CEP63: variants seen among roughly 807,000 people sequenced by gnomAD.
The protein encoded by CEP63 is centrosomal protein 63.
CEP63 carries 84 observed loss-of-function variants against 89.1 expected under a neutral mutation model. The ratio of observed to expected loss-of-function variants is 0.94; its 90% CI spans 0.79 to 1.13. The LOEUF is 1.13. CEP63 is among the 50% of genes most tolerant of loss of function. The pLI is 0.00. For missense variants in CEP63, 838 were observed against 813.3 expected (o/e 1.03, Z -0.37); for synonymous variants, 267 against 272.5 (o/e 0.98, Z 0.20).
At position 134,550,019 on chromosome 3, in the gene CEP63, G is replaced by T. The variant is rs1298795848; in HGVS notation, c.1183-44G>T. The T allele has an allele frequency of 3.7e-6, 5 of 1,356,940 alleles. No individual in the cohort carries two copies. In the Admixed American group the frequency reaches 6.8e-5, roughly 18 times the overall value. The allele number at this position is 1,356,940 out of a possible 1,614,324, so 84.1% of individuals were successfully genotyped here. On this transcript the variant is annotated intron_variant, in intron 10 of 14. Transcript: ENST00000675561. The stretch of plus-strand genomic sequence containing the variant: ...TAGTAACATATTATTCTATCTAAAT[G>T]CTTTCTCTTAACTTTTGGTGCTTTC...
At chr3:134,509,225 G>C (rs1944265039) in intron 3 of CEP63, among the ~76,000 whole-genome samples, 2 of 152,172 alleles carry the variant, frequency 1.3e-5, no homozygotes, top group East Asian at 3.9e-4. Flanking sequence ...TTCAGTTATG[G>C]CGGAAGGCAA....
chr3:134,691,812 C>A, the CEP63 span, among the ~76,000 whole-genome samples: 2 of 151,846 alleles, frequency 1.3e-5, no homozygotes, highest in African/African-American at 4.8e-5. Context: ...CTCTGCCTCC[C>A]GGGTTCAAGC....
the CEP63 span, among the ~76,000 whole-genome samples, chr3:134,701,839 G>T: frequency 6.6e-6 from 1 of 152,078 alleles, no homozygotes; most frequent in Admixed American, 6.6e-5. Flanking sequence ...CATCATCTCA[G>T]CCCAAAAGCT....
In CEP63 at chr3:134,562,300, G is replaced by C. The variant is rs762644962; in HGVS notation, c.*765G>C. On this transcript the variant is annotated 3_prime_UTR_variant, in exon 15 of 15. Transcript: ENST00000675561. ...GATGGGAGTTGATAAGATCCACCAG[G>C]GAGGCTGTGGAGAGAGAGAGGAGCA... The C allele has an allele frequency of 2.6e-5, 22 of 852,006 alleles. No homozygotes were observed. The highest frequency in any genetic ancestry group is 3.1e-5 in the Non-Finnish European group (22 of 707,972). The allele number at this position is 852,006 out of a possible 1,614,324, so 52.8% of individuals were successfully genotyped here. A position where few individuals can be genotyped will look rare whatever the true frequency, so the allele number is the denominator to read the frequency against.
chr3:134,547,610 A>ATTTATTTTTTTTTT, intron 9 of CEP63, 138 bp downstream of exon 9: 11 of 226,786 alleles, frequency 4.9e-5, no homozygotes, highest in East Asian at 1.1e-4. Context: ...CTAAGTTCTT[A>ATTTATTTTTTTTTT]TTTCTTTTTT....
chr3:134,659,928 C>A, the CEP63 span, among the ~76,000 whole-genome samples: 3 of 152,190 alleles, frequency 2.0e-5, no homozygotes, highest in Non-Finnish European at 4.4e-5. Context: ...GTCCCCGGGG[C>A]AGAGCTTCTA....
the CEP63 span, among the ~76,000 whole-genome samples, chr3:134,618,857 C>T: frequency 6.6e-6 from 1 of 152,188 alleles, no homozygotes; most frequent in South Asian, 2.1e-4. Flanking sequence ...TTTTAACCTT[C>T]AGCTGCATAG....
rs376996111 is a variant in CEP63 at position 134,523,435 on chromosome 3, T to G, written c.223-8410T>G. Among the ~76,000 whole-genome samples the G allele has an allele frequency of 6.6e-5, 10 of 152,320 alleles. 1 individual carries two copies. Among genetic ancestry groups the G allele is most frequent in the African/African-American group, 2.4e-4 (10 of 41,580 alleles). Reference sequence around the variant, plus strand: ...TGACTTGCTTTTGTTGCAGTTGCTTTTGGTGTCTTTGTCGTGAAATCTTTG... The same window carrying G: ...TGACTTGCTTTTGTTGCAGTTGCTTGTGGTGTCTTTGTCGTGAAATCTTTG... On this transcript the variant is annotated intron_variant, in intron 3 of 14. Transcript: ENST00000675561.
At position 134,547,473 on chromosome 3, in the gene CEP63, G is replaced by T. The variant is rs937242544; in HGVS notation, c.1067+1G>T. ...CAGAGGTGACTTGTCTTGAAGGCAG[G>T]TACATAATTATACACACATTTCAAA... On this transcript the variant is annotated splice_donor_variant, in intron 9 of 14. Transcript: ENST00000675561. LOFTEE classifies it high-confidence loss of function. 6.2e-6 allele frequency: 10 copies of T among 1,613,008 alleles called. No individual in the cohort carries two copies. Among genetic ancestry groups the T allele is most frequent in the East Asian group, 2.2e-5 (1 of 44,870 alleles).
At chr3:134,682,026 T>C in the CEP63 span, among the ~76,000 whole-genome samples, 11 of 152,144 alleles carry the variant, frequency 7.2e-5, no homozygotes, top group African/African-American at 2.2e-4. Flanking sequence ...GCTCCCCTTA[T>C]TCTAGTTCTG....
At chr3:134,723,016 T>C in the CEP63 span, among the ~76,000 whole-genome samples, 1 of 152,190 alleles carries the variant, frequency 6.6e-6, no homozygotes, top group African/African-American at 2.4e-5. Context: ...ATAAGTCCAC[T>C]CGGCTGTCCA....
chr3:134,768,358 T>C, the CEP63 span, among the ~76,000 whole-genome samples: 3 of 152,344 alleles, frequency 2.0e-5, no homozygotes, highest in East Asian at 5.8e-4. Flanking sequence ...GGACCTCATT[T>C]GTCCTGCTGC....
At chr3:134,777,704 C>T in the CEP63 span, among the ~76,000 whole-genome samples, 1 of 144,074 alleles carries the variant, frequency 6.9e-6, no homozygotes, top group Admixed American at 7.2e-5. Context: ...ACCTCCGCCT[C>T]TCAGGTTCAA....
chr3:134,566,340 ATAATAT>A (rs1957758420), downstream of CEP63, among the ~76,000 whole-genome samples: 1 of 152,108 alleles, frequency 6.6e-6, no homozygotes, highest in Non-Finnish European at 1.5e-5. Context: ...TAGTAATATA[ATAATAT>A]TAAATGCAAA....
intron 1 of CEP63, among the ~76,000 whole-genome samples, chr3:134,491,006 A>G (rs1429343168): frequency 6.6e-6 from 1 of 152,218 alleles, no homozygotes; most frequent in Admixed American, 6.5e-5. Context: ...ATTTTCTGCT[A>G]TTACAAATAG....
chr3:134,641,360 TTATC>T, the CEP63 span: 3 of 152,174 alleles, frequency 2.0e-5, no homozygotes, highest in Non-Finnish European at 2.9e-5. Context: ...ACCATCCTGA[TTATC>T]TGGCTGGGCT....
the CEP63 span, among the ~76,000 whole-genome samples, chr3:134,726,871 G>T: frequency 6.6e-6 from 1 of 152,148 alleles, no homozygotes; most frequent in African/African-American, 2.4e-5. Flanking sequence ...CCGGAGCACG[G>T]GGCTAGCATG....
chr3:134,683,110 A>T, the CEP63 span, among the ~76,000 whole-genome samples: 1 of 152,210 alleles, frequency 6.6e-6, no homozygotes, highest in Non-Finnish European at 1.5e-5. Flanking sequence ...TGGAAGTGGG[A>T]ATGGAAGTTT....
the CEP63 span, among the ~76,000 whole-genome samples, chr3:134,706,689 G>T: frequency 6.6e-6 from 1 of 152,184 alleles, no homozygotes; most frequent in East Asian, 1.9e-4. Flanking sequence ...TAAAACAAGA[G>T]AAATTAATTT....
Sources: gnomAD v4.1 joint callset for allele counts (sites outside exome capture counted in the v4.1 genomes callset) on GRCh38, gnomAD v4.1.1 for gene constraint, MANE v1.5 for transcripts, NCBI Gene and HGNC (gene_info 2026-07-23, HGNC 2026-07-21) for gene names.